The following FN3K variants were observed in gnomAD, a reference collection of about 807,000 sequenced individuals.
FN3K encodes fructosamine 3 kinase.
FN3K carries 24 observed loss-of-function variants against 24.8 expected under a neutral mutation model. That is an observed-to-expected ratio of 0.97 (90% CI 0.70 to 1.36). FN3K has a LOEUF of 1.36. FN3K is among the 40% of genes most tolerant of loss of function. The pLI is 0.00. For missense variants in FN3K, 449 were observed against 416.7 expected (o/e 1.08, Z -0.67); for synonymous variants, 192 against 175.2 (o/e 1.10, Z -0.76).
In FN3K at chr17:82,750,878, C is replaced by A; in HGVS notation, c.*123C>A. 1 of 625,436 alleles carries A rather than the reference C, an allele frequency of 1.6e-6. No homozygotes were observed. The highest frequency in any genetic ancestry group is 2.7e-5 in the African/African-American group (1 of 37,368). 38.7% of individuals were successfully genotyped at this position (625,436 alleles called of 1,614,324 possible). A position where few individuals can be genotyped will look rare whatever the true frequency, so the allele number is the denominator to read the frequency against. On this transcript the variant is annotated 3_prime_UTR_variant, in exon 6 of 6. Coordinates refer to ENST00000300784, the MANE Select transcript of FN3K (RefSeq NM_022158.4). ...TGTTCCCGTCTCCCCGTCCCTCCGT[C>A]TCCATCCCCCCGTCCCCCCATCCTC...
intron 4 of FN3K, among the ~76,000 whole-genome samples, chr17:82,742,242 C>T (rs557188092): frequency 3.0e-4 from 46 of 152,022 alleles, no homozygotes; most frequent in East Asian, 1.2e-3. Flanking sequence ...GGTTTCTCCA[C>T]GTTGGTCAGG....
chr17:82,738,595 G>A lies in FN3K; in HGVS notation c.248G>A (p.Gly83Glu), dbSNP rs1422578012. The change falls in exon 2 of 6, where the codon GGG becomes GAG. Residue 83 changes from glycine to glutamate, a missense_variant. Coordinates refer to ENST00000300784, the MANE Select transcript of FN3K (RefSeq NM_022158.4). ...AAGGTCATCGACCTGCCGGGAGGTG[G>A]GGCCGCCTTTGTGATGGAGCATTTG... The part of the protein sequence containing the change: ...PMKVIDLPGG[G>E]AAFVMEHLKM... 6.2e-7 allele frequency: 1 copy of A among 1,614,102 alleles called. No homozygotes were observed. The highest frequency in any genetic ancestry group is 1.3e-5 in the African/African-American group (1 of 75,056).
chr17:82,737,448 G>A (rs978293842), intron 1 of FN3K, among the ~76,000 whole-genome samples: 1 of 151,580 alleles, frequency 6.6e-6, no homozygotes, highest in Admixed American at 6.6e-5. Flanking sequence ...TCAGCCTCCC[G>A]AGTAGCTGGG....
chr17:82,735,673 ACC>A lies in FN3K; in HGVS notation c.39_40del (p.Leu14AlafsTer39). ...QLLRAELRTA[T>X]LRAFGGPGAG... Reference sequence around the variant, plus strand: ...GCTGCGCGCCGAGCTGCGCACCGCGACCCTGCGGGCCTTCGGCGGCCCCGGCG... The same window carrying A: ...GCTGCGCGCCGAGCTGCGCACCGCGACTGCGGGCCTTCGGCGGCCCCGGCG... On this transcript the variant is annotated frameshift_variant, in exon 1 of 6. Coordinates refer to ENST00000300784, the MANE Select transcript of FN3K (RefSeq NM_022158.4). LOFTEE classifies it high-confidence loss of function. The A allele has an allele frequency of 6.5e-7, 1 of 1,539,474 alleles. No homozygotes were observed. The highest frequency in any genetic ancestry group is 8.7e-7 in the Non-Finnish European group (1 of 1,147,070).
In FN3K at chr17:82,735,617, A is replaced by G. The variant is rs867857181; in HGVS notation, c.-20A>G. The G allele has an allele frequency of 6.7e-7, 1 of 1,501,582 alleles. No individual in the cohort carries two copies. The highest frequency in any genetic ancestry group is 8.8e-7 in the Non-Finnish European group (1 of 1,133,626). The allele number at this position is 1,501,582 out of a possible 1,614,324, so 93.0% of individuals were successfully genotyped here. On this transcript the variant is annotated 5_prime_UTR_variant, in exon 1 of 6. Transcript: ENST00000300784. ...CCGACAGGGGCTTCCGAGCGAGCAG[A>G]GTCCCGCGCCCCGCACTCCATGGAG...
intron 4 of FN3K, among the ~76,000 whole-genome samples, chr17:82,744,676 G>A (rs562019600): frequency 7.9e-5 from 12 of 152,244 alleles, no homozygotes; most frequent in African/African-American, 1.9e-4. Context: ...GGAGGATCCC[G>A]CCAGCCTCTG....
intron 4 of FN3K, among the ~76,000 whole-genome samples, chr17:82,748,236 C>T (rs1275465206): frequency 3.3e-5 from 5 of 151,546 alleles, no homozygotes; most frequent in African/African-American, 1.2e-4. Context: ...GCACCCTTTG[C>T]CTGTGGGTTC....
rs2047028219 is a variant in FN3K at position 82,750,933 on chromosome 17, CATCCCT to C, written c.*179_*184del. ...CCCCGTCCCCCCGTCCCCGTCCCTC[CATCCCT>C]GTCCCCCGTCCCCCTGTCCCCCTGT... On this transcript the variant is annotated 3_prime_UTR_variant, in exon 6 of 6. Coordinates refer to ENST00000300784, the MANE Select transcript of FN3K (RefSeq NM_022158.4). 15 of 322,740 alleles carry C rather than the reference CATCCCT, an allele frequency of 4.6e-5. No individual in the cohort carries two copies. The highest frequency in any genetic ancestry group is 6.6e-5 in the Non-Finnish European group (12 of 181,832). The allele number at this position is 322,740 out of a possible 1,614,324, so 20.0% of individuals were successfully genotyped here. A position where few individuals can be genotyped will look rare whatever the true frequency, so the allele number is the denominator to read the frequency against.
At chr17:82,743,593 C>T (rs1215595855) in intron 4 of FN3K, among the ~76,000 whole-genome samples, 4 of 148,572 alleles carry the variant, frequency 2.7e-5, no homozygotes, top group Non-Finnish European at 4.4e-5. Context: ...CCAGCTGGGT[C>T]GGCTGTGGTG....
At chr17:82,746,110 A>AC (rs1344045658) in intron 4 of FN3K, among the ~76,000 whole-genome samples, 1 of 151,460 alleles carries the variant, frequency 6.6e-6, no homozygotes, top group Non-Finnish European at 1.5e-5. Flanking sequence ...AAAAAAAAAA[A>AC]AACTACCAAA....
chr17:82,743,191 G>T (rs560160734), intron 4 of FN3K, among the ~76,000 whole-genome samples: 32 of 152,352 alleles, frequency 2.1e-4, no homozygotes, highest in African/African-American at 6.0e-4. Flanking sequence ...GTCAAGGGCT[G>T]CAAGTGGCGG....
chr17:82,742,557 C>G (rs935577467), intron 4 of FN3K: 1 of 364,820 alleles, frequency 2.7e-6, no homozygotes, highest in African/African-American at 2.1e-5. Flanking sequence ...GAATGTTATT[C>G]TTTTATGGCT....
rs550426755 is a variant in FN3K, at chr17:82,742,010, C to T, written c.468+617C>T. On this transcript the variant is annotated intron_variant, in intron 4 of 5. Transcript: ENST00000300784. ...GCAACATCGGCCTCCTGGGTTCAAG[C>T]GGTTCTCCTGTCTCAGCCTCTCAAG... 3.3e-5 allele frequency among the ~76,000 whole-genome samples: 5 copies of T among 152,258 alleles called. No individual in the cohort carries two copies. In the East Asian group the frequency reaches 5.8e-4, roughly 18 times the overall value.
intron 2 of FN3K, among the ~76,000 whole-genome samples, chr17:82,740,336 G>C (rs1240048162): frequency 6.8e-6 from 1 of 147,354 alleles, no homozygotes; most frequent in Non-Finnish European, 1.5e-5. Flanking sequence ...TCTGGAAAGA[G>C]TCTTTGCCAG....
chr17:82,738,770 G>C (rs2046921694), intron 2 of FN3K, 130 bp downstream of exon 2: 1 of 1,181,500 alleles, frequency 8.5e-7, no homozygotes, highest in East Asian at 2.5e-5. Context: ...CTGTGGCTGA[G>C]CCGTCCACAC....
Position 82,740,818 on chromosome 17 carries a change from C to T in FN3K, c.349C>T (p.Leu117Phe). Residue 117 changes from leucine to phenylalanine, a missense_variant, in exon 3 of 6, where the codon CTC becomes TTC. By Grantham distance (22) the Leu-to-Phe change is conservative. Transcript: ENST00000300784. The part of the protein sequence containing the change: ...MADLHLYNQK[L>F]REKLKEEENT... Reference sequence around the variant, plus strand: ...AGATTTGCATCTTTACAACCAGAAGCTCAGGGAGAAGTTGAAGGAGGAGGA... The same window carrying T: ...AGATTTGCATCTTTACAACCAGAAGTTCAGGGAGAAGTTGAAGGAGGAGGA... The T allele has an allele frequency of 6.2e-7, 1 of 1,613,630 alleles. No homozygotes were observed. Among genetic ancestry groups the T allele is most frequent in the Non-Finnish European group, 8.5e-7 (1 of 1,179,736 alleles).
At chr17:82,744,490 A>G (rs2046957371) in intron 4 of FN3K, among the ~76,000 whole-genome samples, 1 of 152,228 alleles carries the variant, frequency 6.6e-6, no homozygotes, top group Non-Finnish European at 1.5e-5. Flanking sequence ...GGAATTTAAT[A>G]TAAATAGAAT....
At chr17:82,744,090 C>T (rs2046955448) in intron 4 of FN3K, among the ~76,000 whole-genome samples, 1 of 152,212 alleles carries the variant, frequency 6.6e-6, no homozygotes, top group African/African-American at 2.4e-5. Flanking sequence ...GGGGATCTGA[C>T]AGCCAGGCTA....
chr17:82,746,552 G>A (rs534318127), intron 4 of FN3K, among the ~76,000 whole-genome samples: 1 of 152,290 alleles, frequency 6.6e-6, no homozygotes, highest in East Asian at 1.9e-4. Context: ...TGTAATCCCA[G>A]CACTTTCGGA....
Sources: allele counts gnomAD v4.1 joint callset (sites outside exome capture counted in the v4.1 genomes callset), GRCh38; gene constraint gnomAD v4.1.1; transcripts MANE v1.5; gene names NCBI Gene and HGNC (gene_info 2026-07-23, HGNC 2026-07-21).